The following FRYL variants were observed in gnomAD, a reference collection of about 807,000 sequenced individuals.
FRYL encodes the protein FRY like transcription coactivator.
Under a neutral mutation model 351.2 loss-of-function variants are expected in FRYL, and 150 were observed. That is an observed-to-expected ratio of 0.43 (90% CI 0.37 to 0.49). FRYL has a LOEUF of 0.49. FRYL is among the 20% of genes least tolerant of loss of function. FRYL has a pLI of 0.00. For missense variants in FRYL, 3,036 were observed against 3,619.3 expected (o/e 0.84, Z 4.13); for synonymous variants, 1,153 against 1,257.1 (o/e 0.92, Z 1.75).
chr4:48,712,604 A>G (rs1309822342), intron 1 of FRYL, among the ~76,000 whole-genome samples: 2 of 152,252 alleles, frequency 1.3e-5, no homozygotes, highest in Non-Finnish European at 2.9e-5. Flanking sequence ...GGTGTACCTG[A>G]AAGTGATGGG....
At chr4:48,530,163 GC>G (rs1428018823) in intron 50 of FRYL, among the ~76,000 whole-genome samples, 2 of 152,022 alleles carry the variant, frequency 1.3e-5, no homozygotes, top group Non-Finnish European at 2.9e-5. Flanking sequence ...GGAACTCATT[GC>G]CCCCTCTCCT....
chr4:48,687,465 T>C (rs1765249764), intron 2 of FRYL, among the ~76,000 whole-genome samples: 1 of 70,552 alleles, frequency 1.4e-5, no homozygotes, highest in African/African-American at 5.9e-5. Context: ...GCTCTGGTGC[T>C]TGGGAGGGCC....
In FRYL at chr4:48,608,975, T is replaced by C. The variant is rs1242223335; in HGVS notation, c.572+12A>G. 1.2e-5 allele frequency: 19 copies of C among 1,565,720 alleles called. No individual in the cohort carries two copies. Among genetic ancestry groups the C allele is most frequent in the African/African-American group, 2.7e-5 (2 of 73,856 alleles). On this transcript the variant is annotated intron_variant, in intron 9 of 63. Transcript: ENST00000358350. ...GCAAAGAAAATCTAAATGGGTGATT[T>C]ACAAAACTTACTTTGATTGGGCAAG...
intron 3 of FRYL, among the ~76,000 whole-genome samples, chr4:48,658,222 G>A (rs1236839342): frequency 3.3e-5 from 5 of 151,816 alleles, no homozygotes; most frequent in African/African-American, 7.3e-5. Context: ...TCATTTGTAG[G>A]AAAAAAGTAC....
At chr4:48,702,240 G>A (rs1192101688) in intron 2 of FRYL, among the ~76,000 whole-genome samples, 1 of 149,982 alleles carries the variant, frequency 6.7e-6, no homozygotes, top group Non-Finnish European at 1.5e-5. Context: ...CGGATCACCT[G>A]AGGTCAGGAG....
intron 54 of FRYL, 83 bp downstream of exon 54, chr4:48,522,818 T>A: frequency 9.9e-7 from 1 of 1,008,268 alleles, no homozygotes; most frequent in Non-Finnish European, 1.6e-6. Context: ...ATTTCACCCA[T>A]GCACAAGAAA....
chr4:48,706,616 C>T (rs1450658587), intron 2 of FRYL, among the ~76,000 whole-genome samples: 3 of 152,204 alleles, frequency 2.0e-5, no homozygotes, highest in Non-Finnish European at 2.9e-5. Context: ...GAATTGTACA[C>T]TTAAAATAGT....
intron 1 of FRYL, among the ~76,000 whole-genome samples, chr4:48,771,240 T>C (rs1384658243): frequency 6.6e-6 from 1 of 152,210 alleles, no homozygotes; most frequent in East Asian, 1.9e-4. Flanking sequence ...ATACAAGACA[T>C]GGTCTAAATT....
At chr4:48,631,214 G>A (rs1752893039) in intron 4 of FRYL, among the ~76,000 whole-genome samples, 1 of 152,094 alleles carries the variant, frequency 6.6e-6, no homozygotes. Context: ...TTTTCCTGGT[G>A]TGTCAGGAAG....
At chr4:48,761,270 G>C (rs1234927842) in intron 1 of FRYL, among the ~76,000 whole-genome samples, 1 of 152,102 alleles carries the variant, frequency 6.6e-6, no homozygotes, top group African/African-American at 2.4e-5. Flanking sequence ...ATGTGAAAAG[G>C]TGACACAGAT....
At chr4:48,546,014 A>G (rs971329799) in intron 42 of FRYL, 53 bp downstream of exon 42, 14 of 1,504,518 alleles carry the variant, frequency 9.3e-6, no homozygotes, top group South Asian at 4.7e-5. Context: ...CTGATCAATG[A>G]AAGAATGACT....
intron 41 of FRYL, among the ~76,000 whole-genome samples, chr4:48,546,945 T>C (rs1248927247): frequency 2.6e-5 from 4 of 151,324 alleles, no homozygotes; most frequent in Non-Finnish European, 5.9e-5. Flanking sequence ...AACTTTAAAA[T>C]TGATGAACCC....
chr4:48,633,043 T>C (rs1753563535), intron 4 of FRYL, among the ~76,000 whole-genome samples: 2 of 152,216 alleles, frequency 1.3e-5, no homozygotes, highest in South Asian at 2.1e-4. Flanking sequence ...CCTAATTCAG[T>C]TGTGTAAGGA....
chr4:48,595,887 A>G lies in FRYL; in HGVS notation c.1139+10T>C. Reference sequence around the variant, plus strand: ...TTATTTTTAATGCACTTTAAAGCAAAGATACTCACCTTTGAGTTACAGTGT... The same window carrying G: ...TTATTTTTAATGCACTTTAAAGCAAGGATACTCACCTTTGAGTTACAGTGT... On this transcript the variant is annotated intron_variant, in intron 14 of 63. Transcript: ENST00000358350. The G allele has an allele frequency of 2.6e-6, 4 of 1,512,906 alleles. No homozygotes were observed. The highest frequency in any genetic ancestry group is 3.6e-6 in the Non-Finnish European group (4 of 1,108,682). 93.7% of individuals were successfully genotyped at this position (1,512,906 alleles called of 1,614,324 possible). A position where few individuals can be genotyped will look rare whatever the true frequency, so the allele number is the denominator to read the frequency against.
intron 1 of FRYL, among the ~76,000 whole-genome samples, chr4:48,737,748 C>G (rs1457513570): frequency 6.6e-6 from 1 of 152,078 alleles, no homozygotes; most frequent in Non-Finnish European, 1.5e-5. Flanking sequence ...CTAAACCTAA[C>G]GATGTAACAG....
At chr4:48,563,070 C>A (rs1367479038) in intron 31 of FRYL, 82 bp from the exon 32 acceptor site, 4 of 911,620 alleles carry the variant, frequency 4.4e-6, no homozygotes, top group Admixed American at 2.1e-5. Flanking sequence ...ATGCAAAGGG[C>A]AAGGCTTATA....
chr4:48,640,139 AG>A (rs1207075009), intron 3 of FRYL, among the ~76,000 whole-genome samples: 1 of 152,142 alleles, frequency 6.6e-6, no homozygotes, highest in Non-Finnish European at 1.5e-5. Flanking sequence ...CCACATGATC[AG>A]GAAACATGCT....
chr4:48,751,823 T>TG lies in FRYL; in HGVS notation c.-384+28254dup, dbSNP rs543962600. 3.3e-3 allele frequency among the ~76,000 whole-genome samples: 477 copies of TG among 142,970 alleles called. 1 individual carries two copies. The highest frequency in any genetic ancestry group is 0.012 in the African/African-American group (456 of 38,536). The allele number at this position is 142,970 out of a possible 152,430, so 93.8% of individuals were successfully genotyped here. A position where few individuals can be genotyped will look rare whatever the true frequency, so the allele number is the denominator to read the frequency against. ...TCCACAGCCTTCCTCCCTTATGCCT[T>TG]GCTAAAGAGATTCAATTTTTTTTTT... On this transcript the variant is annotated intron_variant, in intron 1 of 63. Coordinates refer to ENST00000358350, the MANE Select transcript of FRYL (RefSeq NM_015030.2).
At chr4:48,569,955 G>C (rs1449157672) in intron 27 of FRYL, among the ~76,000 whole-genome samples, 1 of 152,114 alleles carries the variant, frequency 6.6e-6, no homozygotes. Context: ...TGGGACTACT[G>C]GTGTCTGCCA....
Sources: allele counts gnomAD v4.1 joint callset (sites outside exome capture counted in the v4.1 genomes callset), GRCh38; gene constraint gnomAD v4.1.1; transcripts MANE v1.5; gene names NCBI Gene and HGNC (gene_info 2026-07-23, HGNC 2026-07-21).